The following ANK1 variants were observed in gnomAD, a reference collection of about 807,000 sequenced individuals.
The protein encoded by ANK1 is ankyrin 1, also known as ankyrin-1.
A neutral mutation model predicts 210.4 loss-of-function variants in ANK1; 51 were observed. The observed-to-expected ratio is 0.24, with a 90% CI of 0.19 to 0.31. The LOEUF is 0.31. ANK1 is among the 10% of genes least tolerant of loss of function. ANK1 has a pLI of 1.00. For missense variants in ANK1, 2,051 were observed against 2,504.4 expected, an observed-to-expected ratio of 0.82 and a Z score of 3.86; for synonymous variants, 967 against 1,025.9, an observed-to-expected ratio of 0.94 and a Z score of 1.10.
At chr8:41,864,013 G>C (rs1377432687) in intron 1 of ANK1, among the ~76,000 whole-genome samples, 2 of 152,300 alleles carry the variant, frequency 1.3e-5, no homozygotes, top group East Asian at 3.9e-4. Flanking sequence ...GGGAGGCCGA[G>C]GCGGGTGGAT....
Position 41,696,717 on chromosome 8 carries a change from G to C in ANK1, c.2694C>G (p.Thr898=). ...SLIPSSPATE[T]SDNISPVASP... is the part of the protein sequence containing the mutation. The stretch of plus-strand genomic sequence containing the variant: ...TGGCCACCGGGCTGATGTTGTCTGA[G>C]GTCTCGGTGGCCGGGCTGCTGGGGA... The change falls in exon 25 of 43, where the codon ACC becomes ACG. Residue 898 remains threonine, a synonymous_variant. Coordinates refer to ENST00000289734, the MANE Select transcript of ANK1 (RefSeq NM_000037.4). The C allele has an allele frequency of 6.2e-7, 1 of 1,602,772 alleles. No individual in the cohort carries two copies. Among genetic ancestry groups the C allele is most frequent in the African/African-American group, 1.3e-5 (1 of 75,014 alleles).
chr8:41,805,885 T>G (rs182119741), intron 1 of ANK1, among the ~76,000 whole-genome samples: 2 of 152,254 alleles, frequency 1.3e-5, no homozygotes, highest in South Asian at 4.1e-4. Flanking sequence ...CGCTTGGATA[T>G]GTAGTTGGAA....
At chr8:41,766,913 C>T (rs1050877596) in intron 1 of ANK1, among the ~76,000 whole-genome samples, 5 of 152,198 alleles carry the variant, frequency 3.3e-5, no homozygotes, top group Non-Finnish European at 5.9e-5. Context: ...AGGTCCCCGC[C>T]CGGCCCAAGG....
intron 2 of ANK1, among the ~76,000 whole-genome samples, chr8:41,747,499 G>C (rs550401585): frequency 6.6e-6 from 1 of 152,046 alleles, no homozygotes; most frequent in African/African-American, 2.4e-5. Context: ...ATTTATCTGC[G>C]CTTGTGCCTG....
chr8:41,752,721 G>A (rs1838011687), intron 2 of ANK1, among the ~76,000 whole-genome samples: 1 of 151,542 alleles, frequency 6.6e-6, no homozygotes, highest in African/African-American at 2.4e-5. Flanking sequence ...AGCCTGCTTG[G>A]CTTTGCTCCA....
At chr8:41,727,473 C>T in intron 4 of ANK1, 125 bp from the exon 5 acceptor site, 2 of 750,198 alleles carry the variant, frequency 2.7e-6, no homozygotes, top group Non-Finnish European at 4.7e-6. Flanking sequence ...CCTGACCCCT[C>T]CTAAGGAAAC....
upstream of ANK1, among the ~76,000 whole-genome samples, chr8:41,798,434 C>T (rs765895753): frequency 6.6e-6 from 1 of 152,204 alleles, no homozygotes; most frequent in Non-Finnish European, 1.5e-5. Flanking sequence ...GGCAGGGGGG[C>T]GCCCAGGCGG....
intron 1 of ANK1, among the ~76,000 whole-genome samples, chr8:41,768,031 C>G (rs959499148): frequency 6.6e-6 from 1 of 152,250 alleles, no homozygotes; most frequent in Non-Finnish European, 1.5e-5. Context: ...CGCTGCCTCC[C>G]GCACTGCTCT....
intron 38 of ANK1, among the ~76,000 whole-genome samples, chr8:41,668,987 C>T (rs1811421038): frequency 6.6e-6 from 1 of 152,032 alleles, no homozygotes; most frequent in Non-Finnish European, 1.5e-5. Flanking sequence ...GTCATTCTCT[C>T]CCCCTCAAGA....
At chr8:41,673,452 T>C (rs1384880566) in intron 37 of ANK1, among the ~76,000 whole-genome samples, 1 of 152,116 alleles carries the variant, frequency 6.6e-6, no homozygotes, top group East Asian at 1.9e-4. Context: ...CAGGGTACAC[T>C]AAACACCCAT....
chr8:41,875,202 G>A (rs1816330136), intron 1 of ANK1, among the ~76,000 whole-genome samples: 1 of 152,150 alleles, frequency 6.6e-6, no homozygotes. Flanking sequence ...AGATGCGGGG[G>A]CTCCTGCACC....
chr8:41,731,743 G>T (rs940507864), intron 3 of ANK1, among the ~76,000 whole-genome samples: 1 of 152,074 alleles, frequency 6.6e-6, no homozygotes, highest in Non-Finnish European at 1.5e-5. Flanking sequence ...AAATAAAAAA[G>T]ACACACCAAG....
At chr8:41,708,519 C>T (rs1315604152) in intron 17 of ANK1, among the ~76,000 whole-genome samples, 2 of 152,198 alleles carry the variant, frequency 1.3e-5, no homozygotes, top group African/African-American at 4.8e-5. Flanking sequence ...TCTGCAGATC[C>T]TTAGGTCAAT....
intron 27 of ANK1, 119 bp downstream of exon 27, chr8:41,695,058 A>G (rs1462014988): frequency 7.1e-7 from 1 of 1,403,498 alleles, no homozygotes; most frequent in Non-Finnish European, 1.0e-6. Context: ...ACACCAGGCC[A>G]TTCTCAGCCT....
At position 41,653,469 on chromosome 8, in the gene ANK1, C is replaced by T. The variant is rs909736732; in HGVS notation, c.*2321G>A. 6.5e-6 allele frequency: 1 copy of T among 152,756 alleles called. No homozygotes were observed. The highest frequency in any genetic ancestry group is 6.5e-5 in the Admixed American group (1 of 15,288). 9.5% of individuals were successfully genotyped at this position (152,756 alleles called of 1,614,324 possible). On this transcript the variant is annotated 3_prime_UTR_variant, in exon 43 of 43. Coordinates refer to ENST00000289734, the MANE Select transcript of ANK1 (RefSeq NM_000037.4). ...TGGAGACCCCAAACTCCTCCCCTAACGGCTCCTACTAGCAGCCGGAGCGTG... is the reference window on the plus strand; with the variant it reads ...TGGAGACCCCAAACTCCTCCCCTAATGGCTCCTACTAGCAGCCGGAGCGTG...
chr8:41,707,753 G>T (rs1825000007), intron 17 of ANK1, among the ~76,000 whole-genome samples: 1 of 152,196 alleles, frequency 6.6e-6, no homozygotes, highest in Admixed American at 6.5e-5. Context: ...TACCAGAATG[G>T]TTCGCTCATT....
At chr8:41,731,124 T>TAC (rs1258809507) in intron 3 of ANK1, among the ~76,000 whole-genome samples, 2 of 152,120 alleles carry the variant, frequency 1.3e-5, no homozygotes, top group African/African-American at 2.4e-5. Context: ...TTCCCCTATC[T>TAC]ACACACACAC....
upstream of ANK1, among the ~76,000 whole-genome samples, chr8:41,798,769 C>T (rs540585733): frequency 3.3e-5 from 5 of 152,216 alleles, no homozygotes; most frequent in South Asian, 2.1e-4. Context: ...TGGGTGTCAC[C>T]GCTGGGGGCC....
chr8:41,664,901 G>A, intron 39 of ANK1: 1 of 1,614,216 alleles, frequency 6.2e-7, no homozygotes. Flanking sequence ...CCAGCTCCTG[G>A]TGGATGTGCT....
Sources: gnomAD v4.1 joint callset for allele counts (sites outside exome capture counted in the v4.1 genomes callset) on GRCh38, gnomAD v4.1.1 for gene constraint, MANE v1.5 for transcripts, NCBI Gene and HGNC (gene_info 2026-07-23, HGNC 2026-07-21) for gene names.